The following NOTCH2 variants were observed in gnomAD, a reference collection of about 807,000 sequenced individuals.
NOTCH2 encodes the protein neurogenic locus notch homolog protein 2.
Under a neutral mutation model 235.8 loss-of-function variants are expected in NOTCH2, and 29 were observed. The ratio of observed to expected loss-of-function variants is 0.12; its 90% CI spans 0.09 to 0.17. NOTCH2 has a LOEUF of 0.17. Ranked by LOEUF, NOTCH2 falls within the 10% of genes least tolerant of loss-of-function variation. The probability of loss-of-function intolerance (pLI) is 1.00; values close to 1 mark genes in which losing one functional copy is unlikely to be tolerated. For synonymous variants in NOTCH2, 1,086 were observed against 1,141.5 expected (o/e 0.95, Z 0.98); for missense variants, 2,285 against 3,150.2 (o/e 0.73, Z 6.57).
chr1:119,937,117 C>A (rs1343446659), intron 21 of NOTCH2, among the ~76,000 whole-genome samples, 165 bp downstream of exon 21: 2 of 152,138 alleles, frequency 1.3e-5, no homozygotes, highest in African/African-American at 4.8e-5. Flanking sequence ...TAACTTATTG[C>A]ACAGAGAGGC....
intron 17 of NOTCH2, among the ~76,000 whole-genome samples, chr1:119,943,641 T>C (rs1014577669): frequency 6.6e-6 from 1 of 152,114 alleles, no homozygotes; most frequent in African/African-American, 2.4e-5. Context: ...CATGGAACAA[T>C]GTAAGATGGA....
At chr1:119,927,002 T>C (rs996811000) in intron 23 of NOTCH2, among the ~76,000 whole-genome samples, 1 of 152,218 alleles carries the variant, frequency 6.6e-6, no homozygotes, top group African/African-American at 2.4e-5. Flanking sequence ...ATCTACTTCA[T>C]AGGAGAGGCT....
At chr1:119,928,867 CTTATA>C in intron 23 of NOTCH2, 104 bp downstream of exon 23, 1 of 917,488 alleles carries the variant, frequency 1.1e-6, no homozygotes, top group South Asian at 1.3e-5. Flanking sequence ...TGTTGTTTTT[CTTATA>C]TAAGAAAAGC....
At chr1:120,060,450 A>AAAATATAT (rs1258896909) in intron 1 of NOTCH2, among the ~76,000 whole-genome samples, 1 of 139,834 alleles carries the variant, frequency 7.2e-6, no homozygotes, top group East Asian at 2.0e-4. Context: ...TCATAAACTA[A>AAAATATAT]ATATATATAT....
intron 2 of NOTCH2, among the ~76,000 whole-genome samples, chr1:120,007,699 A>G (rs1347075948): frequency 2.0e-5 from 3 of 152,104 alleles, no homozygotes; most frequent in Non-Finnish European, 2.9e-5. Context: ...TCTCAAAAAA[A>G]AAAGTTTTGC....
intron 1 of NOTCH2, among the ~76,000 whole-genome samples, chr1:120,065,233 G>A (rs587684204): frequency 1.3e-5 from 2 of 152,302 alleles, no homozygotes; most frequent in South Asian, 2.1e-4. Context: ...TGCAAATACT[G>A]TTTTTAAAAT....
chr1:119,966,205 T>G (rs1651128106), intron 9 of NOTCH2, among the ~76,000 whole-genome samples, 171 bp downstream of exon 9: 1 of 152,168 alleles, frequency 6.6e-6, no homozygotes, highest in Non-Finnish European at 1.5e-5. Context: ...TTGTAAGATA[T>G]AGTAGCTAAA....
intron 5 of NOTCH2, among the ~76,000 whole-genome samples, chr1:119,981,279 T>C (rs2793831): frequency 0.17 from 25,444 of 152,050 alleles, 2,962 homozygotes; most frequent in African/African-American, 0.33. Flanking sequence ...ATTCCCACCA[T>C]TGTTTCTTTC....
intron 33 of NOTCH2, among the ~76,000 whole-genome samples, chr1:119,917,106 T>C (rs1649109218): frequency 6.6e-6 from 1 of 151,204 alleles, no homozygotes; most frequent in African/African-American, 2.4e-5. Context: ...GAGTTAGAAA[T>C]AAGAAAGGTA....
intron 1 of NOTCH2, among the ~76,000 whole-genome samples, chr1:120,042,176 A>G (rs1654602058): frequency 9.7e-6 from 1 of 103,520 alleles, no homozygotes; most frequent in South Asian, 4.1e-4. Context: ...TACCATGGTA[A>G]GTGCTTGAAA....
rs139726528 is a variant in NOTCH2, at chr1:119,931,977, T to C, written c.3656-2765A>G. Among the ~76,000 whole-genome samples the C allele has an allele frequency of 2.3e-3, 334 of 146,286 alleles. 1 individual carries two copies. The highest frequency in any genetic ancestry group is 8.1e-3 in the African/African-American group (324 of 39,760). Reference sequence around the variant, plus strand: ...ACAACTTAATGTGGGAAAAAAGATATATGTGTGTATATATATATATATGTA... The same window carrying C: ...ACAACTTAATGTGGGAAAAAAGATACATGTGTGTATATATATATATATGTA... On this transcript the variant is annotated intron_variant, in intron 22 of 33. Coordinates refer to ENST00000256646, the MANE Select transcript of NOTCH2 (RefSeq NM_024408.4).
At chr1:120,068,729 C>T in intron 1 of NOTCH2, 1 of 329,024 alleles carries the variant, frequency 3.0e-6, no homozygotes, top group Non-Finnish European at 5.7e-6. Context: ...CTCCACCTTT[C>T]AAAGACGCGA....
intron 23 of NOTCH2, among the ~76,000 whole-genome samples, chr1:119,927,311 G>A (rs1343934426): frequency 6.6e-6 from 1 of 152,122 alleles, no homozygotes; most frequent in Non-Finnish European, 1.5e-5. Flanking sequence ...ACTTGGGAAA[G>A]AAGAGGTAGC....
intron 5 of NOTCH2, among the ~76,000 whole-genome samples, chr1:119,982,659 T>C (rs1651857640): frequency 6.6e-6 from 1 of 152,250 alleles, no homozygotes; most frequent in African/African-American, 2.4e-5. Context: ...GGTCTACTTC[T>C]ATTTCCTAAA....
At chr1:120,006,417 T>C (rs1652978760) in intron 2 of NOTCH2, among the ~76,000 whole-genome samples, 2 of 149,920 alleles carry the variant, frequency 1.3e-5, no homozygotes, top group Non-Finnish European at 3.0e-5. Flanking sequence ...GAGGAACCTT[T>C]TTACATGCCA....
At position 119,916,666 on chromosome 1, in the gene NOTCH2, C is replaced by T. The variant is rs201446896; in HGVS notation, c.6056G>A (p.Arg2019Gln). The T allele has an allele frequency of 3.2e-5, 51 of 1,614,042 alleles. No individual in the cohort carries two copies. Among genetic ancestry groups the T allele is most frequent in the African/African-American group, 6.7e-5 (5 of 74,918 alleles). ...CTTGGCTGCTTCATAGCTCCCCTCCCGGGCAGCAAGAAACAGAGGTGTCTC... is the reference window on the plus strand; with the variant it reads ...CTTGGCTGCTTCATAGCTCCCCTCCTGGGCAGCAAGAAACAGAGGTGTCTC... ...KEETPLFLAA[R>Q]EGSYEAAKIL... The change falls in exon 34 of 34, where the codon CGG becomes CAG. Residue 2019 changes from arginine (R) to glutamine (Q), a missense_variant. Arg to Gln is a conservative substitution (Grantham distance 43). Transcript: ENST00000256646.
At chr1:120,009,224 C>T (rs1653093042) in intron 2 of NOTCH2, among the ~76,000 whole-genome samples, 3 of 151,164 alleles carry the variant, frequency 2.0e-5, no homozygotes, top group East Asian at 1.9e-4. Flanking sequence ...TCAATTGGGG[C>T]CTTTAAGCCA....
At chr1:119,950,320 A>T in intron 15 of NOTCH2, 1 of 363,788 alleles carries the variant, frequency 2.7e-6, no homozygotes, top group Middle Eastern at 9.8e-4. Context: ...ATTGAGGAAT[A>T]CATTAAATAA....
intron 12 of NOTCH2, among the ~76,000 whole-genome samples, chr1:119,958,834 T>C (rs2101129795): frequency 6.6e-6 from 1 of 152,262 alleles, no homozygotes; most frequent in South Asian, 2.1e-4. Context: ...AAAATTCTTC[T>C]AGCCATTTAC....
Sources: gnomAD v4.1 joint callset for allele counts (sites outside exome capture counted in the v4.1 genomes callset) on GRCh38, gnomAD v4.1.1 for gene constraint, MANE v1.5 for transcripts, NCBI Gene and HGNC (gene_info 2026-07-23, HGNC 2026-07-21) for gene names.